USP42: variants seen among roughly 807,000 people sequenced by gnomAD.
USP42 encodes the protein ubiquitin specific peptidase 42.
In USP42, 23 loss-of-function variants were observed where a neutral mutation model predicts 113.0. That is an observed-to-expected ratio of 0.20 (90% CI 0.15 to 0.29). The LOEUF (loss-of-function observed/expected upper bound fraction) is 0.29, where lower values mean the gene tolerates loss of function less well. Ranked by LOEUF, USP42 falls within the 10% of genes least tolerant of loss-of-function variation. USP42 has a pLI of 1.00. For synonymous variants in USP42, 933 were observed against 699.0 expected (o/e 1.33, Z -5.28); for missense variants, 2,174 against 1,779.8 (o/e 1.22, Z -3.99).
rs150641357 is a variant in USP42, at chr7:6,138,204, G to A, written c.554-888G>A. On this transcript the variant is annotated intron_variant, in intron 4 of 17. Transcript: ENST00000306177. ...TACATTCATACACATGTAAAATTCA[G>A]TATATATGTTTTAGTGTGATATTGC... 4.6e-3 allele frequency among the ~76,000 whole-genome samples: 699 copies of A among 152,222 alleles called. 8 individuals are homozygous for A. The highest frequency in any genetic ancestry group is 0.016 in the African/African-American group (658 of 41,534).
At chr7:6,122,408 C>T (rs1023820506) in intron 3 of USP42, among the ~76,000 whole-genome samples, 1 of 151,970 alleles carries the variant, frequency 6.6e-6, no homozygotes, top group Admixed American at 6.6e-5. Flanking sequence ...ACCTCACCTT[C>T]CCAAGTAGCT....
At chr7:6,082,543 A>G in the USP42 span, among the ~76,000 whole-genome samples, 2 of 150,232 alleles carry the variant, frequency 1.3e-5, no homozygotes, top group Admixed American at 6.6e-5. Context: ...GCTTGAATCC[A>G]AGAGTTCAAG....
chr7:6,149,968 C>G lies in USP42; in HGVS notation c.1772C>G (p.Pro591Arg). Residue 591 changes from proline to arginine, a missense_variant, in exon 13 of 18, where the codon CCC becomes CGC. Physicochemically the swap from Pro to Arg is moderately radical, Grantham distance 103. Coordinates refer to ENST00000306177, the MANE Select transcript of USP42 (RefSeq NM_032172.3). ...PIPRSESCSQ[P>R]VMNGKSKLNS... ...CCCCGCAGTGAATCCTGCTCCCAGC[C>G]CGTGATGAATGGCAAATCCAAGCTG... 6.2e-7 allele frequency: 1 copy of G among 1,613,918 alleles called. No individual in the cohort carries two copies. Among genetic ancestry groups the G allele is most frequent in the Non-Finnish European group, 8.5e-7 (1 of 1,179,866 alleles).
At chr7:6,091,982 T>TTCTTCC in the USP42 span, among the ~76,000 whole-genome samples, 1 of 21,364 alleles carries the variant, frequency 4.7e-5, no homozygotes, top group Non-Finnish European at 1.1e-4. Flanking sequence ...GTATTTTTTC[T>TTCTTCC]TCTTCTTCTT....
At chr7:6,141,409 G>A (rs557050497) in intron 7 of USP42, among the ~76,000 whole-genome samples, 3 of 151,740 alleles carry the variant, frequency 2.0e-5, no homozygotes, top group East Asian at 3.9e-4. Context: ...TTCACCTATC[G>A]GCCAGGATGG....
At chr7:6,140,315 C>A in intron 6 of USP42, 120 bp downstream of exon 6, 1 of 923,738 alleles carries the variant, frequency 1.1e-6, no homozygotes, top group Non-Finnish European at 1.7e-6. Flanking sequence ...AGCCCAGATT[C>A]TCATTCCTTT....
chr7:6,095,775 G>A, the USP42 span, among the ~76,000 whole-genome samples: 4 of 150,824 alleles, frequency 2.7e-5, no homozygotes, highest in Admixed American at 1.3e-4. Flanking sequence ...TGGGTATTTC[G>A]ATTTTTGTTT....
intron 1 of USP42, among the ~76,000 whole-genome samples, chr7:6,105,545 C>T (rs986657840): frequency 6.6e-6 from 1 of 151,614 alleles, no homozygotes; most frequent in Non-Finnish European, 1.5e-5. Context: ...CCCGCCCCCA[C>T]TGCATCCCTA....
intron 14 of USP42, among the ~76,000 whole-genome samples, chr7:6,151,610 T>A (rs1278300053): frequency 6.6e-6 from 1 of 152,050 alleles, no homozygotes; most frequent in Non-Finnish European, 1.5e-5. Flanking sequence ...GCTAATTTTT[T>A]TTTTGTATTT....
chr7:6,159,254 C>CT lies in USP42; in HGVS notation c.3944-193dup, dbSNP rs1478159444. Reference sequence around the variant, plus strand: ...GGAGCCCTCAGTCATCACGTAAACCCTTTGACATCAGTAAAACCCTGGGAG... The same window carrying CT: ...GGAGCCCTCAGTCATCACGTAAACCCTTTTGACATCAGTAAAACCCTGGGAG... On this transcript the variant is annotated intron_variant, in intron 16 of 17. Transcript: ENST00000306177. This position sits in a 1 kb window ranked among gnomAD's most constrained non-coding sequence, Gnocchi z 4.1. Among the ~76,000 whole-genome samples, 6 of 152,182 alleles carry CT rather than the reference C, an allele frequency of 3.9e-5. No individual in the cohort carries two copies. The highest frequency in any genetic ancestry group is 8.8e-5 in the Non-Finnish European group (6 of 68,034).
At chr7:6,099,465 C>T in the USP42 span, among the ~76,000 whole-genome samples, 2 of 150,278 alleles carry the variant, frequency 1.3e-5, no homozygotes, top group African/African-American at 2.5e-5. Context: ...CTGCCCGCCT[C>T]GGCCTCCCAA....
Position 6,159,447 on chromosome 7 carries a change from T to TA in USP42, c.3944-2dup. ...AATCTCTTTCCTGACCTTTGCTTTC[T>TA]AGGTGATTGAAAACTCAGCCTCAAA... On this transcript the variant is annotated splice_polypyrimidine_tract_variant and splice_region_variant and intron_variant, in intron 16 of 17. Transcript: ENST00000306177. This position sits in a 1 kb window ranked among gnomAD's most constrained non-coding sequence, Gnocchi z 4.1. 6.2e-7 allele frequency: 1 copy of TA among 1,614,028 alleles called. No individual in the cohort carries two copies. Among genetic ancestry groups the TA allele is most frequent in the Non-Finnish European group, 8.5e-7 (1 of 1,179,884 alleles).
the USP42 span, among the ~76,000 whole-genome samples, chr7:6,099,206 C>CCT: frequency 7.3e-6 from 1 of 136,506 alleles, no homozygotes; most frequent in Non-Finnish European, 1.5e-5. Context: ...CCCATTGTTC[C>CCT]CTCTCTTTTT....
At chr7:6,152,759 G>A (rs1261517371) in intron 14 of USP42, among the ~76,000 whole-genome samples, 2 of 152,186 alleles carry the variant, frequency 1.3e-5, no homozygotes, top group East Asian at 3.8e-4. Context: ...AAGCTCTGCG[G>A]GAATCAAAGG....
Position 6,139,760 on chromosome 7 carries a change from C to T in USP42, c.657-368C>T. 3.0e-6 allele frequency: 1 copy of T among 338,936 alleles called. No individual in the cohort carries two copies. The highest frequency in any genetic ancestry group is 5.6e-6 in the Non-Finnish European group (1 of 179,538). 21.0% of individuals were successfully genotyped at this position (338,936 alleles called of 1,614,324 possible). On this transcript the variant is annotated intron_variant, in intron 5 of 17. Coordinates refer to ENST00000306177, the MANE Select transcript of USP42 (RefSeq NM_032172.3). This position sits in a 1 kb window ranked among gnomAD's most constrained non-coding sequence, Gnocchi z 4.5. ...TAGGACTTCATTGTCCGGGTGATGA[C>T]ATACTTGGGTCGGAGGAAGACTCTC...
chr7:6,117,678 A>G (rs1779989466), intron 3 of USP42, among the ~76,000 whole-genome samples: 1 of 152,124 alleles, frequency 6.6e-6, no homozygotes, highest in Non-Finnish European at 1.5e-5. Context: ...TGAATCTTCC[A>G]TTTGCTCCAC....
upstream of USP42, among the ~76,000 whole-genome samples, chr7:6,102,304 G>A (rs1790151227): frequency 6.7e-6 from 1 of 149,838 alleles, no homozygotes; most frequent in Non-Finnish European, 1.5e-5. Flanking sequence ...AGTAGAGACA[G>A]AGTTTCAGCA....
Position 6,135,912 on chromosome 7 carries a change from G to A in USP42, c.514G>A (p.Asp172Asn). 2 of 1,610,118 alleles carry A rather than the reference G, an allele frequency of 1.2e-6. No homozygotes were observed. The highest frequency in any genetic ancestry group is 2.2e-5 in the South Asian group (2 of 90,214). Residue 172 changes from aspartate to asparagine, a missense_variant, in exon 4 of 18, where the codon GAC becomes AAC. Coordinates refer to ENST00000306177, the MANE Select transcript of USP42 (RefSeq NM_032172.3). ...HITQALSNPGDVIKPMFVINE... is the reference protein window; with the variant it reads ...HITQALSNPGNVIKPMFVINE... The stretch of plus-strand genomic sequence containing the variant: ...TACCCAGGCACTCAGTAATCCTGGG[G>A]ACGTTATTAAACCAATGTTTGTCAT...
chr7:6,106,325 G>C (rs1024112973), intron 1 of USP42, among the ~76,000 whole-genome samples: 87 of 152,202 alleles, frequency 5.7e-4, no homozygotes, highest in Admixed American at 5.6e-3. Context: ...AAGAAGCAGA[G>C]CGTAACAGTT....
Sources: gnomAD v4.1 joint callset for allele counts (sites outside exome capture counted in the v4.1 genomes callset) on GRCh38, gnomAD v4.1.1 for gene constraint, Gnocchi (gnomAD v3.1) non-coding constraint, MANE v1.5 for transcripts, NCBI Gene and HGNC (gene_info 2026-07-23, HGNC 2026-07-21) for gene names.